Variants in DST observed in about 807,000 individuals in gnomAD.
DST encodes the protein bullous pemphigoid antigen.
A neutral mutation model predicts 875.2 loss-of-function variants in DST; 253 were observed. The ratio of observed to expected loss-of-function variants is 0.29; its 90% CI spans 0.26 to 0.32. DST has a LOEUF of 0.32. Ranked by LOEUF, DST falls within the 10% of genes least tolerant of loss-of-function variation. The probability of loss-of-function intolerance (pLI) is 1.00; values close to 1 mark genes in which losing one functional copy is unlikely to be tolerated. For synonymous variants in DST, 3,124 were observed against 3,197.1 expected (o/e 0.98, Z 0.77); for missense variants, 8,287 against 9,111.6 (o/e 0.91, Z 3.68).
chr6:56,895,137 G>A lies in DST; in HGVS notation c.417+5284C>T, dbSNP rs1308291975. 3.5e-5 allele frequency among the ~76,000 whole-genome samples: 3 copies of A among 85,458 alleles called. 1 individual carries two copies. The highest frequency in any genetic ancestry group is 2.1e-4 in the African/African-American group (3 of 14,210). The allele number at this position is 85,458 out of a possible 152,430, so 56.1% of individuals were successfully genotyped here. On this transcript the variant is annotated intron_variant, in intron 3 of 103. Transcript: ENST00000680361. Reference sequence around the variant, plus strand: ...AGGAGCCCCTCACCTCCCGGACGGGGAGGCTGGCCGGGCGGGGGGCTGACC... The same window carrying A: ...AGGAGCCCCTCACCTCCCGGACGGGAAGGCTGGCCGGGCGGGGGGCTGACC...
At chr6:56,757,437 C>T (rs949151484) in intron 4 of DST, among the ~76,000 whole-genome samples, 10 of 152,284 alleles carry the variant, frequency 6.6e-5, no homozygotes, top group Non-Finnish European at 1.3e-4. Flanking sequence ...TGGCAAACCA[C>T]ATAGCTCTTT....
chr6:56,489,698 G>T, intron 85 of DST, 89 bp from the exon 86 acceptor site: 1 of 1,177,678 alleles, frequency 8.5e-7, no homozygotes, highest in Non-Finnish European at 1.1e-6. Context: ...GATTAATAGT[G>T]ATGAAAATCC....
chr6:56,630,750 G>A (rs1345580255), intron 30 of DST, among the ~76,000 whole-genome samples: 1 of 151,712 alleles, frequency 6.6e-6, no homozygotes, highest in Non-Finnish European at 1.5e-5. Flanking sequence ...TATCAACATA[G>A]AGAAGTGTCA....
Position 56,608,410 on chromosome 6 carries a change from A to G in DST, c.6218T>C (p.Ile2073Thr), listed in dbSNP as rs1233496221. 1.9e-6 allele frequency: 3 copies of G among 1,613,546 alleles called. No individual in the cohort carries two copies. Among genetic ancestry groups the G allele is most frequent in the South Asian group, 1.1e-5 (1 of 91,088 alleles). ...AAATATTTCACCAGAATGGGGCCAA[A>G]TGAGTCCAACATAGCCTCGCTGAGC... The part of the protein sequence containing the change: ...LEAQRGYVGL[I>T]WPHSGEIFPT... The change falls in exon 40 of 104, where the codon ATT (isoleucine) becomes ACT (threonine). Residue 2073 changes from isoleucine to threonine, a missense_variant. Around this residue, in one of 10 missense-constraint regions of DST, gnomAD observed 3,138 missense variants for 3,116.6 expected, o/e 1.01. Transcript: ENST00000680361.
chr6:56,853,015 C>T (rs1306101310), intron 3 of DST, among the ~76,000 whole-genome samples: 3 of 152,162 alleles, frequency 2.0e-5, no homozygotes, highest in Non-Finnish European at 4.4e-5. Context: ...TGGTCAACAC[C>T]ATTATTTTAT....
intron 4 of DST, among the ~76,000 whole-genome samples, chr6:56,763,928 C>T (rs2099625437): frequency 6.6e-6 from 1 of 151,944 alleles, no homozygotes; most frequent in Non-Finnish European, 1.5e-5. Context: ...TGGAGAGCTC[C>T]CTCTAATGAA....
rs34105940 is a variant in DST, at chr6:56,879,472, G to GAA, written c.417+20947_417+20948dup. On this transcript the variant is annotated intron_variant, in intron 3 of 103. Transcript: ENST00000680361. ...GGAGACAGAGCGAGACTTCGTCTCG[G>GAA]AAAAAAAAAAAAATAGTTCCAAGTA... Among the ~76,000 whole-genome samples the GAA allele has an allele frequency of 3.7e-3, 518 of 140,152 alleles. 3 individuals carry two copies. Among genetic ancestry groups the GAA allele is most frequent in the Middle Eastern group, 0.022 (6 of 270 alleles). 91.9% of individuals were successfully genotyped at this position (140,152 alleles called of 152,430 possible).
chr6:56,597,206 C>T (rs2098399775), intron 47 of DST, among the ~76,000 whole-genome samples: 1 of 150,906 alleles, frequency 6.6e-6, no homozygotes, highest in Non-Finnish European at 1.5e-5. Flanking sequence ...TTTCACTGCA[C>T]TCTAACCTGG....
At chr6:56,809,704 C>G (rs1299170289) in intron 4 of DST, among the ~76,000 whole-genome samples, 4 of 152,136 alleles carry the variant, frequency 2.6e-5, no homozygotes, top group Non-Finnish European at 1.5e-5. Flanking sequence ...ATGATTCATT[C>G]TGTGGCAAGA....
chr6:56,922,155 G>A (rs1804633836), intron 2 of DST, among the ~76,000 whole-genome samples: 1 of 152,042 alleles, frequency 6.6e-6, no homozygotes, highest in East Asian at 1.9e-4. Context: ...GAAGCATACT[G>A]CTTATGTTAA....
Position 56,645,910 on chromosome 6 carries a change from A to G in DST, c.1734T>C (p.Ile578=), listed in dbSNP as rs757804912. ...DIEKEWGKLI[I]AMLEREKALR... The stretch of plus-strand genomic sequence containing the variant: ...GGGCCTTCTCTCTCTCTAGCATGGC[A>G]ATAATGAGTTTCCCCCACTCTTTTT... The change falls in exon 15 of 104, where the codon ATT becomes ATC. Residue 578 remains isoleucine (I), a synonymous_variant. Transcript: ENST00000680361. The G allele has an allele frequency of 6.2e-7, 1 of 1,613,846 alleles. No individual in the cohort carries two copies. The highest frequency in any genetic ancestry group is 1.1e-5 in the South Asian group (1 of 91,076).
intron 4 of DST, among the ~76,000 whole-genome samples, chr6:56,762,403 A>G (rs2099619389): frequency 6.6e-6 from 1 of 152,192 alleles, no homozygotes; most frequent in South Asian, 2.1e-4. Context: ...CAGGCCCAAC[A>G]AAAATTTACA....
In DST at chr6:56,557,508, C is replaced by A. The variant is rs568742980; in HGVS notation, c.14451G>T (p.Trp4817Cys). 1 of 1,607,842 alleles carries A rather than the reference C, an allele frequency of 6.2e-7. No homozygotes were observed. The highest frequency in any genetic ancestry group is 2.2e-5 in the East Asian group (1 of 44,790). ...KQMLTEIDSKWQELNQLTIDR... is the reference protein window; with the variant it reads ...KQMLTEIDSKCQELNQLTIDR... ...CAATTGTTAATTGATTGAGTTCTTG[C>A]CACTTAGAATCTAAAAGAAAAAAAA... Residue 4817 changes from tryptophan to cysteine, a missense_variant, in exon 59 of 104, where the codon TGG becomes TGT. Trp to Cys is a radical substitution (Grantham distance 215, BLOSUM62 -2). Transcript: ENST00000680361.
At chr6:56,790,515 T>C (rs1487479998) in intron 4 of DST, among the ~76,000 whole-genome samples, 2 of 152,226 alleles carry the variant, frequency 1.3e-5, no homozygotes, top group African/African-American at 2.4e-5. Context: ...TTATGTACTT[T>C]GGATACTTAC....
intron 47 of DST, among the ~76,000 whole-genome samples, chr6:56,596,827 A>G (rs1474531682): frequency 6.6e-6 from 1 of 152,222 alleles, no homozygotes; most frequent in Non-Finnish European, 1.5e-5. Flanking sequence ...CTTTGCTCTT[A>G]TAGTAGCATT....
chr6:56,553,293 T>C lies in DST; in HGVS notation c.15499A>G (p.Lys5167Glu). The part of the protein sequence containing the change: ...RENKLKESLE[K>E]ALKYKEQVET... ...ACTTGCTCTTTATACTTAAGGGCTT[T>C]TTCCAATGACTCTTTTAACTTGTTT... The change falls in exon 61 of 104, where the codon AAA (lysine) becomes GAA (glutamate). Residue 5167 changes from lysine to glutamate, a missense_variant. Physicochemically the swap from Lys to Glu is moderately conservative, Grantham distance 56 (BLOSUM62 1). This residue lies in a region of DST where 1,513 missense variants were observed against 1,677.8 expected (regional missense o/e 0.90). Transcript: ENST00000680361. 2 of 1,613,618 alleles carry C rather than the reference T, an allele frequency of 1.2e-6. No individual in the cohort carries two copies. Among genetic ancestry groups the C allele is most frequent in the Non-Finnish European group, 1.7e-6 (2 of 1,179,872 alleles).
At chr6:56,505,188 T>C (rs537052291) in intron 77 of DST, among the ~76,000 whole-genome samples, 1 of 152,342 alleles carries the variant, frequency 6.6e-6, no homozygotes, top group East Asian at 1.9e-4. Flanking sequence ...AGCTGTACTG[T>C]AGCTACTTAA....
intron 5 of DST, among the ~76,000 whole-genome samples, chr6:56,705,732 ACTACAAAT>A (rs1233052050): frequency 6.6e-6 from 1 of 152,244 alleles, no homozygotes; most frequent in Non-Finnish European, 1.5e-5. Flanking sequence ...GGCATAATTA[ACTACAAAT>A]AATATAAATA....
intron 3 of DST, among the ~76,000 whole-genome samples, chr6:56,859,926 T>C (rs560221958): frequency 1.2e-3 from 185 of 152,250 alleles, no homozygotes; most frequent in African/African-American, 3.7e-3. Flanking sequence ...AGAAGCCAGA[T>C]TGGAGATGCA....
Sources: allele counts gnomAD v4.1 joint callset (sites outside exome capture counted in the v4.1 genomes callset), GRCh38; gene constraint gnomAD v4.1.1; regional missense constraint gnomAD v4.1.1; transcripts MANE v1.5; gene names NCBI Gene and HGNC (gene_info 2026-07-23, HGNC 2026-07-21).